Variants in RBFOX1 observed in about 807,000 individuals in gnomAD.
RBFOX1 encodes the protein RNA binding fox-1 homolog 1, also known as RNA binding protein fox-1 homolog 1.
RBFOX1 carries 8 observed loss-of-function variants against 57.7 expected under a neutral mutation model. The observed-to-expected ratio is 0.14, with a 90% CI of 0.08 to 0.25. RBFOX1 has a LOEUF of 0.25. Among genes scored for constraint, RBFOX1 ranks in the 10% least tolerant of loss-of-function variants. The pLI, the probability that RBFOX1 is intolerant of heterozygous loss-of-function variation, is 1.00. For missense variants in RBFOX1, 611 were observed against 548.5 expected, an observed-to-expected ratio of 1.11 and a Z score of -1.14; for synonymous variants, 326 against 222.4, an observed-to-expected ratio of 1.47 and a Z score of -4.15.
At chr16:6,485,298 G>C (rs1318052313) in intron 2 of RBFOX1, among the ~76,000 whole-genome samples, 1 of 152,166 alleles carries the variant, frequency 6.6e-6, no homozygotes, top group Non-Finnish European at 1.5e-5. Context: ...TTGTTAATCT[G>C]AGGAATGAGG....
At chr16:5,838,217 A>C (rs1426507852) in intron 3 of RBFOX1, 2 of 194,444 alleles carry the variant, frequency 1.0e-5, no homozygotes, top group Non-Finnish European at 2.3e-5. Flanking sequence ...ATTACGTAGG[A>C]GATGTAGCTG....
chr16:5,388,046 C>T (rs2066302814), intron 1 of RBFOX1, among the ~76,000 whole-genome samples: 1 of 152,138 alleles, frequency 6.6e-6, no homozygotes, highest in Admixed American at 6.5e-5. Flanking sequence ...AATGAATAAT[C>T]CCATAGAAAC....
intron 3 of RBFOX1, among the ~76,000 whole-genome samples, chr16:5,819,952 C>A (rs2055785763): frequency 6.6e-6 from 1 of 152,166 alleles, no homozygotes; most frequent in East Asian, 1.9e-4. Flanking sequence ...CGTCGCATCC[C>A]ACTCTGTTGA....
intron 1 of RBFOX1, among the ~76,000 whole-genome samples, chr16:5,389,812 C>G (rs1954563501): frequency 6.6e-6 from 1 of 152,068 alleles, no homozygotes; most frequent in Non-Finnish European, 1.5e-5. Context: ...ATTCTTCTGC[C>G]TCAGCTTCCT....
intron 3 of RBFOX1, among the ~76,000 whole-genome samples, chr16:6,749,292 A>G (rs960741297): frequency 6.6e-6 from 1 of 152,126 alleles, no homozygotes; most frequent in Non-Finnish European, 1.5e-5. Flanking sequence ...AATGACATCA[A>G]CCCAATTAAA....
At chr16:6,954,210 A>T (rs550894026) in intron 3 of RBFOX1, among the ~76,000 whole-genome samples, 139 of 152,170 alleles carry the variant, frequency 9.1e-4, no homozygotes, top group African/African-American at 3.3e-3. Context: ...GTAAAAAGAG[A>T]GTGGCAAATC....
intron 5 of RBFOX1, among the ~76,000 whole-genome samples, chr16:7,575,366 C>G (rs1384615701): frequency 1.3e-5 from 2 of 152,126 alleles, no homozygotes; most frequent in African/African-American, 2.4e-5. Flanking sequence ...AACTCCTTAC[C>G]TCATGATCTG....
chr16:7,200,839 C>T (rs2178718), intron 4 of RBFOX1, among the ~76,000 whole-genome samples: 43,981 of 151,920 alleles, frequency 0.29, 6,576 homozygotes, highest in Non-Finnish European at 0.32. Context: ...ATGCTTTCTC[C>T]GCGCTGTTGT....
intron 9 of RBFOX1, among the ~76,000 whole-genome samples, chr16:7,602,399 G>T (rs1395970751): frequency 6.6e-6 from 1 of 152,124 alleles, no homozygotes; most frequent in Non-Finnish European, 1.5e-5. Context: ...GGCCCTGGGA[G>T]GCTGGGACCA....
At chr16:6,428,007 G>A (rs189302494) in intron 2 of RBFOX1, among the ~76,000 whole-genome samples, 19 of 152,268 alleles carry the variant, frequency 1.2e-4, no homozygotes, top group Non-Finnish European at 2.4e-4. Flanking sequence ...GAGAGGCCGG[G>A]CACGGTGGCT....
chr16:6,580,266 C>G (rs566349990), intron 2 of RBFOX1, among the ~76,000 whole-genome samples: 86 of 152,264 alleles, frequency 5.6e-4, no homozygotes, highest in African/African-American at 2.0e-3. Flanking sequence ...CAGGCCTGTT[C>G]ATCTTTTAAG....
intron 4 of RBFOX1, among the ~76,000 whole-genome samples, chr16:5,912,292 C>T (rs1292959657): frequency 1.3e-5 from 2 of 152,156 alleles, no homozygotes; most frequent in East Asian, 1.9e-4. Context: ...GAATGAAGCT[C>T]ACCGTATCAT....
chr16:6,174,260 C>T (rs566183092), intron 1 of RBFOX1, among the ~76,000 whole-genome samples: 49 of 152,212 alleles, frequency 3.2e-4, no homozygotes, highest in Admixed American at 7.2e-4. Flanking sequence ...CTCACTGTTG[C>T]GCTGTCATCA....
At position 7,286,680 on chromosome 16, in the gene RBFOX1, G is replaced by T. The variant is rs2095657987; in HGVS notation, c.28-231467G>T. Among the ~76,000 whole-genome samples, 5 of 144,394 alleles carry T rather than the reference G, an allele frequency of 3.5e-5. No homozygotes were observed. In the South Asian group the frequency reaches 1.1e-3, roughly 32 times the overall value. The allele number at this position is 144,394 out of a possible 152,430, so 94.7% of individuals were successfully genotyped here. A position where few individuals can be genotyped will look rare whatever the true frequency, so the allele number is the denominator to read the frequency against. On this transcript the variant is annotated intron_variant, in intron 4 of 15. Coordinates refer to ENST00000550418, the MANE Select transcript of RBFOX1 (RefSeq NM_018723.4). The stretch of plus-strand genomic sequence containing the variant: ...ACTCTGTCACCCAGGATGGAGTGCA[G>T]TGGCGAGATCTCGGGTCACTGCAAG...
At chr16:6,589,343 G>A (rs2097677415) in intron 2 of RBFOX1, among the ~76,000 whole-genome samples, 1 of 152,196 alleles carries the variant, frequency 6.6e-6, no homozygotes, top group Admixed American at 6.5e-5. Context: ...CCAGCGTGTT[G>A]TTATTACTCA....
chr16:6,947,883 T>G (rs1423077002), intron 3 of RBFOX1, among the ~76,000 whole-genome samples: 2 of 152,130 alleles, frequency 1.3e-5, no homozygotes, highest in African/African-American at 2.4e-5. Context: ...TTCAAGCGTT[T>G]CTCCTGCCTC....
intron 1 of RBFOX1, among the ~76,000 whole-genome samples, chr16:6,239,686 C>T (rs543296615): frequency 4.0e-5 from 6 of 151,742 alleles, no homozygotes; most frequent in East Asian, 3.9e-4. Flanking sequence ...TTAGTAGAGA[C>T]GGGGGTTTCA....
At chr16:5,270,692 G>A (rs186317598) in intron 1 of RBFOX1, 4 of 521,156 alleles carry the variant, frequency 7.7e-6, no homozygotes, top group Admixed American at 4.7e-5. Context: ...ATCATGACCT[G>A]AGATGTGCAG....
rs1261019332 is a variant in RBFOX1 at position 6,979,126 on chromosome 16, C to A, written c.-15-72931C>A. 2.0e-5 allele frequency among the ~76,000 whole-genome samples: 3 copies of A among 152,078 alleles called. No individual in the cohort carries two copies. In the East Asian group the frequency reaches 5.8e-4, roughly 29 times the overall value. ...GATTATGGGCTCAGATAAAATTGTA[C>A]CAAAAATCAGACCTGAATTCAAATC... On this transcript the variant is annotated intron_variant, in intron 3 of 15. Transcript: ENST00000550418.
Sources: allele counts gnomAD v4.1 joint callset (sites outside exome capture counted in the v4.1 genomes callset), GRCh38; gene constraint gnomAD v4.1.1; transcripts MANE v1.5; gene names NCBI Gene and HGNC (gene_info 2026-07-23, HGNC 2026-07-21).